The following MTCL1 variants were observed in gnomAD, a reference collection of about 807,000 sequenced individuals.
The protein encoded by MTCL1 is microtubule crosslinking factor 1, also known as microtubule cross-linking factor 1.
Under a neutral mutation model 141.4 loss-of-function variants are expected in MTCL1, and 79 were observed. That is an observed-to-expected ratio of 0.56 (90% CI 0.47 to 0.67). The LOEUF is 0.67. Among genes scored for constraint, MTCL1 ranks in the 30% least tolerant of loss-of-function variants. MTCL1 has a pLI of 0.00. For synonymous variants in MTCL1, 914 were observed against 875.8 expected (o/e 1.04, Z -0.77); for missense variants, 2,177 against 2,113.9 (o/e 1.03, Z -0.59).
intron 4 of MTCL1, among the ~76,000 whole-genome samples, chr18:8,752,327 TAA>T (rs541587226): frequency 4.6e-4 from 70 of 152,384 alleles, no homozygotes; most frequent in Non-Finnish European, 8.4e-4. Context: ...AAAAATTTGT[TAA>T]AGTTTTCTCT....
chr18:8,783,407 C>T (rs369976925), intron 5 of MTCL1, 123 bp from the exon 5 acceptor site: 4 of 943,924 alleles, frequency 4.2e-6, no homozygotes, highest in East Asian at 2.7e-5. Context: ...TCAGCGGCAC[C>T]GATGGGAAGA....
At chr18:8,827,620 C>T (rs1384402099) in intron 15 of MTCL1, among the ~76,000 whole-genome samples, 1 of 152,166 alleles carries the variant, frequency 6.6e-6, no homozygotes, top group Non-Finnish European at 1.5e-5. Context: ...GGTAAGTCCT[C>T]CTGCCGTGGA....
chr18:8,748,772 T>A (rs1292036475), intron 4 of MTCL1, among the ~76,000 whole-genome samples: 3 of 152,162 alleles, frequency 2.0e-5, no homozygotes, highest in Non-Finnish European at 4.4e-5. Flanking sequence ...GCCAGTTCTG[T>A]CTTTCGGGAT....
At chr18:8,829,410 G>GT in intron 16 of MTCL1, 1 of 984,818 alleles carries the variant, frequency 1.0e-6, no homozygotes, top group Non-Finnish European at 1.2e-6. Flanking sequence ...TAAGGCTTTT[G>GT]TTTTTCATTT....
chr18:8,731,239 C>T (rs1235122349), intron 4 of MTCL1, among the ~76,000 whole-genome samples: 12 of 150,570 alleles, frequency 8.0e-5, no homozygotes, highest in Non-Finnish European at 1.3e-4. Flanking sequence ...AGCAAGACTC[C>T]ATCTCAAAAA....
In MTCL1 at chr18:8,830,469, G is replaced by A. The variant is rs532503904; in HGVS notation, c.*19-1138G>A. The A allele has an allele frequency of 7.4e-5, 73 of 985,736 alleles. 1 individual carries two copies. The South Asian group carries it at 2.6e-3, about 36-fold the overall frequency. 61.1% of individuals were successfully genotyped at this position (985,736 alleles called of 1,614,324 possible). A position where few individuals can be genotyped will look rare whatever the true frequency, so the allele number is the denominator to read the frequency against. On this transcript the variant is annotated intron_variant, in intron 16 of 16. Transcript: ENST00000359865. This position sits in a 1 kb window ranked among gnomAD's most constrained non-coding sequence, Gnocchi z 6.4. ...GTCCTCGGGCCATGCTGTCTCTGCC[G>A]TGTTCCATCTTCTCCCGAGTGACAC...
rs1230088761 is a variant in MTCL1 at position 8,726,503 on chromosome 18, GCGCGCA to G, written c.357+6008_357+6013del. On this transcript the variant is annotated intron_variant, in intron 4 of 16. Coordinates refer to ENST00000359865, the Ensembl canonical transcript of MTCL1. ...AGAGAGAGAGAGAGAGAGCGCGCGCGCGCGCAAGAGCGAGCGAGAGAGAGCGAGTGC... is the reference window on the plus strand; with the variant it reads ...AGAGAGAGAGAGAGAGAGCGCGCGCGAGAGCGAGCGAGAGAGAGCGAGTGC... Among the ~76,000 whole-genome samples, 128 of 88,898 alleles carry G rather than the reference GCGCGCA, an allele frequency of 1.4e-3. 1 individual carries two copies. The highest frequency in any genetic ancestry group is 4.9e-3 in the Middle Eastern group (1 of 206). The allele number at this position is 88,898 out of a possible 152,430, so 58.3% of individuals were successfully genotyped here. A position where few individuals can be genotyped will look rare whatever the true frequency, so the allele number is the denominator to read the frequency against.
At position 8,719,745 on chromosome 18, in the gene MTCL1, AT is replaced by A. The variant is rs34668216; in HGVS notation, c.199-586del. 3.9e-5 allele frequency among the ~76,000 whole-genome samples: 6 copies of A among 151,970 alleles called. No homozygotes were observed. The East Asian group carries it at 9.7e-4, about 24-fold the overall frequency. On this transcript the variant is annotated intron_variant, in intron 3 of 16. Transcript: ENST00000359865. ...GCCTGGATTATTTTTTATTTTTATA[AT>A]TTTTTTAGAGACAGGGTCTCACTGT...
intron 4 of MTCL1, among the ~76,000 whole-genome samples, chr18:8,768,626 A>T (rs1333109838): frequency 1.3e-5 from 2 of 152,172 alleles, no homozygotes; most frequent in Non-Finnish European, 2.9e-5. Flanking sequence ...ATTTTAATAT[A>T]TCATTTATTT....
exon 15 of MTCL1, chr18:8,825,116 C>T (rs201888726): frequency 2.6e-5 from 42 of 1,598,500 alleles, no homozygotes; most frequent in Admixed American, 2.0e-4. Flanking sequence ...TGCGCAGGGT[C>T]GACAGCATCA....
upstream of MTCL1, among the ~76,000 whole-genome samples, chr18:8,716,569 A>ATTTTTTTT (rs138840096): frequency 6.7e-5 from 7 of 103,890 alleles, no homozygotes; most frequent in African/African-American, 7.7e-5. Context: ...CTTTTTGTTC[A>ATTTTTTTT]TTTTTTTTTT....
At chr18:8,789,526 T>G in intron 7 of MTCL1, 5 of 985,356 alleles carry the variant, frequency 5.1e-6, no homozygotes, top group Non-Finnish European at 6.0e-6. Context: ...AAGTTAGCCT[T>G]TGTCAATCAG....
At chr18:8,777,700 A>G (rs2096516741) in intron 4 of MTCL1, 133 bp from the exon 4 acceptor site, 1 of 722,562 alleles carries the variant, frequency 1.4e-6, no homozygotes, top group Non-Finnish European at 2.3e-6. Flanking sequence ...AATTTACACA[A>G]GTTGTTTCTT....
At chr18:8,784,351 C>T (rs368248481) in exon 6 of MTCL1, 100 of 1,538,420 alleles carry the variant, frequency 6.5e-5, no homozygotes, top group Non-Finnish European at 7.9e-5. Context: ...GGCCTGTTGG[C>T]GGGGAGAGTG....
chr18:8,797,637 G>A (rs946910485), intron 9 of MTCL1, among the ~76,000 whole-genome samples: 2 of 152,186 alleles, frequency 1.3e-5, no homozygotes, highest in African/African-American at 4.8e-5. Flanking sequence ...GTAATTTTAA[G>A]TTCTCATCCT....
In MTCL1 at chr18:8,810,897, C is replaced by T. The variant is rs896677031; in HGVS notation, c.2605-2082C>T. ...CTTTCTCTCCAAGCAGGCCTGAGTT[C>T]CACTAAGATTCAGGGACAAAACAGT... On this transcript the variant is annotated intron_variant, in intron 11 of 16. Coordinates refer to ENST00000359865, the Ensembl canonical transcript of MTCL1. The surrounding 1 kb of genome is among the most constrained non-coding windows in gnomAD (Gnocchi z 5.0). Among the ~76,000 whole-genome samples, 8 of 135,480 alleles carry T rather than the reference C, an allele frequency of 5.9e-5. No homozygotes were observed. The highest frequency in any genetic ancestry group is 2.0e-4 in the African/African-American group (8 of 40,150). The allele number at this position is 135,480 out of a possible 152,430, so 88.9% of individuals were successfully genotyped here. A position where few individuals can be genotyped will look rare whatever the true frequency, so the allele number is the denominator to read the frequency against.
At position 8,705,686 on chromosome 18, in the gene MTCL1, G is replaced by C; in HGVS notation, c.26G>C (p.Gly9Ala). The C allele has an allele frequency of 8.3e-7, 1 of 1,200,660 alleles. No homozygotes were observed. The highest frequency in any genetic ancestry group is 1.0e-6 in the Non-Finnish European group (1 of 967,396). 74.4% of individuals were successfully genotyped at this position (1,200,660 alleles called of 1,614,324 possible). A position where few individuals can be genotyped will look rare whatever the true frequency, so the allele number is the denominator to read the frequency against. The change falls in exon 1 of 14, where the codon GGC (glycine) becomes GCC (alanine). Residue 9 changes from glycine to alanine, a missense_variant. Physicochemically the swap from Gly to Ala is moderately conservative, Grantham distance 60 (BLOSUM62 0). Coordinates refer to the MTCL1 transcript ENST00000306329. This position sits in a 1 kb window ranked among gnomAD's most constrained non-coding sequence, Gnocchi z 5.2. ...ATGGAGACACTGAACGGCCCCGCGGGCGGAGGTGCCCCGGACGCGAAGCTG... is the reference window on the plus strand; with the variant it reads ...ATGGAGACACTGAACGGCCCCGCGGCCGGAGGTGCCCCGGACGCGAAGCTG...
At chr18:8,756,431 A>G (rs555578244) in intron 4 of MTCL1, among the ~76,000 whole-genome samples, 3 of 143,928 alleles carry the variant, frequency 2.1e-5, no homozygotes, top group South Asian at 2.1e-4. Context: ...ATATGTGTAT[A>G]TATGTATATA....
intron 10 of MTCL1, 65 bp from the exon 10 acceptor site, chr18:8,806,827 TC>T: frequency 7.6e-7 from 1 of 1,320,130 alleles, no homozygotes; most frequent in Non-Finnish European, 1.0e-6. Flanking sequence ...AGCCAGATCC[TC>T]TCCTCTTCTG....
Sources: gnomAD v4.1 joint callset for allele counts (sites outside exome capture counted in the v4.1 genomes callset) on GRCh38, gnomAD v4.1.1 for gene constraint, Gnocchi (gnomAD v3.1) non-coding constraint, MANE v1.5 for transcripts, NCBI Gene and HGNC (gene_info 2026-07-23, HGNC 2026-07-21) for gene names.